Variants in EPHA5 observed in about 807,000 individuals in gnomAD.
EPHA5 encodes EPH receptor A5, also known as ephrin type-A receptor 5.
EPHA5 carries 60 observed loss-of-function variants against 105.0 expected under a neutral mutation model. The ratio of observed to expected loss-of-function variants is 0.57; its 90% CI spans 0.46 to 0.71. EPHA5 has a LOEUF of 0.71. EPHA5 is among the 30% of genes least tolerant of loss of function. EPHA5 has a pLI of 0.00. For synonymous variants in EPHA5, 513 were observed against 449.1 expected, an observed-to-expected ratio of 1.14 and a Z score of -1.80; for missense variants, 1,218 against 1,274.7, an observed-to-expected ratio of 0.96 and a Z score of 0.68.
chr4:65,403,881 A>G (rs1346212288), intron 8 of EPHA5, among the ~76,000 whole-genome samples: 2 of 152,158 alleles, frequency 1.3e-5, no homozygotes, highest in Non-Finnish European at 2.9e-5. Context: ...GTGGTCAGTG[A>G]AAATGTTTGG....
At chr4:65,465,144 T>A (rs1444483511) in intron 5 of EPHA5, among the ~76,000 whole-genome samples, 1 of 151,860 alleles carries the variant, frequency 6.6e-6, no homozygotes, top group East Asian at 1.9e-4. Flanking sequence ...GTAATAGAAA[T>A]TGAGTAAGAG....
intron 1 of EPHA5, among the ~76,000 whole-genome samples, chr4:65,660,363 A>G (rs1465960262): frequency 2.6e-5 from 4 of 152,130 alleles, no homozygotes; most frequent in African/African-American, 9.7e-5. Context: ...TTCACCTTGG[A>G]TAGCTCTATA....
At chr4:65,497,552 A>G in intron 3 of EPHA5, among the ~76,000 whole-genome samples, 1 of 152,070 alleles carries the variant, frequency 6.6e-6, no homozygotes, top group East Asian at 1.9e-4. Context: ...TAGCTAAGTT[A>G]TTCAATTTTT....
intron 3 of EPHA5, among the ~76,000 whole-genome samples, chr4:65,520,536 T>G (rs1734587178): frequency 6.6e-6 from 1 of 152,120 alleles, no homozygotes; most frequent in Non-Finnish European, 1.5e-5. Context: ...TGGGATCTAA[T>G]TAAACTAAAG....
At chr4:65,611,646 A>G (rs1744770442) in intron 2 of EPHA5, among the ~76,000 whole-genome samples, 1 of 151,868 alleles carries the variant, frequency 6.6e-6, no homozygotes, top group African/African-American at 2.4e-5. Context: ...TTCTTTTTTC[A>G]GTCCTCATTT....
intron 3 of EPHA5, among the ~76,000 whole-genome samples, chr4:65,532,352 A>C (rs1735886227): frequency 6.6e-6 from 1 of 152,096 alleles, no homozygotes; most frequent in South Asian, 2.1e-4. Context: ...AATTATTTAA[A>C]TATTTTATTA....
chr4:65,445,205 G>T (rs929426583), intron 5 of EPHA5, among the ~76,000 whole-genome samples: 1 of 152,198 alleles, frequency 6.6e-6, no homozygotes, highest in South Asian at 2.1e-4. Context: ...GAAATTTAGT[G>T]TTGGGGTTCA....
At chr4:65,427,469 C>T (rs148541758) in intron 5 of EPHA5, among the ~76,000 whole-genome samples, 166 of 152,180 alleles carry the variant, frequency 1.1e-3, no homozygotes, top group African/African-American at 3.7e-3. Flanking sequence ...GCGTGAGTCA[C>T]CGCGCCCCGT....
chr4:65,668,509 C>A (rs757521772), intron 1 of EPHA5, among the ~76,000 whole-genome samples: 21 of 152,114 alleles, frequency 1.4e-4, no homozygotes, highest in Non-Finnish European at 8.8e-5. Flanking sequence ...GCGAGTAATG[C>A]GCCCTTGGGC....
intron 5 of EPHA5, among the ~76,000 whole-genome samples, chr4:65,483,419 C>T (rs1730578928): frequency 6.6e-6 from 1 of 151,958 alleles, no homozygotes; most frequent in Non-Finnish European, 1.5e-5. Flanking sequence ...AGTTTTAGAT[C>T]CCTGAGGAAT....
chr4:65,408,783 G>C (rs1026306623), intron 7 of EPHA5, among the ~76,000 whole-genome samples: 1 of 151,630 alleles, frequency 6.6e-6, no homozygotes, highest in Non-Finnish European at 1.5e-5. Context: ...TCAGTGTGGC[G>C]ATTCCTCAGG....
intron 2 of EPHA5, among the ~76,000 whole-genome samples, chr4:65,609,073 T>C (rs1340009616): frequency 6.6e-6 from 1 of 152,090 alleles, no homozygotes; most frequent in African/African-American, 2.4e-5. Context: ...AAGAAAAAAA[T>C]GGGCAATCCA....
chr4:65,519,521 T>C (rs2149276292), intron 3 of EPHA5, among the ~76,000 whole-genome samples: 1 of 152,184 alleles, frequency 6.6e-6, no homozygotes. Context: ...TTGGAAGTTC[T>C]GGCCAGGGCA....
At chr4:65,577,054 G>A (rs1222737413) in intron 3 of EPHA5, among the ~76,000 whole-genome samples, 1 of 152,172 alleles carries the variant, frequency 6.6e-6, no homozygotes, top group Non-Finnish European at 1.5e-5. Flanking sequence ...CTGATAGAAT[G>A]TTTACATGTG....
chr4:65,670,131 G>A lies in EPHA5; in HGVS notation c.-389C>T. The A allele has an allele frequency of 3.7e-6, 1 of 272,334 alleles. No homozygotes were observed. Among genetic ancestry groups the A allele is most frequent in the Non-Finnish European group, 6.9e-6 (1 of 145,466 alleles). The allele number at this position is 272,334 out of a possible 1,614,324, so 16.9% of individuals were successfully genotyped here. On this transcript the variant is annotated 5_prime_UTR_variant, in exon 1 of 17. Transcript: ENST00000613740. Reference sequence around the variant, plus strand: ...CTTTGCAGCCTTCAGTGTTGAAATGGACGAAGGTAAGGAAGGCAAATCATT... The same window carrying A: ...CTTTGCAGCCTTCAGTGTTGAAATGAACGAAGGTAAGGAAGGCAAATCATT...
chr4:65,449,669 T>C (rs943004932), intron 5 of EPHA5, among the ~76,000 whole-genome samples: 2 of 152,164 alleles, frequency 1.3e-5, no homozygotes, highest in African/African-American at 4.8e-5. Flanking sequence ...CTCGTGAAGT[T>C]GACCTTTGCA....
intron 3 of EPHA5, among the ~76,000 whole-genome samples, chr4:65,564,616 A>G (rs1307377710): frequency 1.3e-5 from 2 of 151,778 alleles, no homozygotes; most frequent in African/African-American, 4.8e-5. Context: ...CTTCTTAGCT[A>G]CATGTACCAA....
chr4:65,460,462 G>A (rs4621492), intron 5 of EPHA5, among the ~76,000 whole-genome samples: 131,680 of 150,812 alleles, frequency 0.87, 57,728 homozygotes, highest in Middle Eastern at 0.92. Context: ...TAAATGAGAA[G>A]TTAATGTAAA....
chr4:65,408,583 G>GA (rs1722600495), intron 7 of EPHA5, among the ~76,000 whole-genome samples: 1 of 151,928 alleles, frequency 6.6e-6, no homozygotes, highest in Admixed American at 6.6e-5. Context: ...AAAAACACAT[G>GA]AAAAAATGCT....
Sources: gnomAD v4.1 joint callset for allele counts (sites outside exome capture counted in the v4.1 genomes callset) on GRCh38, gnomAD v4.1.1 for gene constraint, MANE v1.5 for transcripts, NCBI Gene and HGNC (gene_info 2026-07-23, HGNC 2026-07-21) for gene names.